Variants in MED20 observed in about 807,000 individuals in gnomAD.
The protein encoded by MED20 is mediator of RNA polymerase II transcription subunit 20.
MED20 carries 19 observed loss-of-function variants against 19.7 expected under a neutral mutation model. That is an observed-to-expected ratio of 0.96 (90% CI 0.67 to 1.42). The LOEUF is 1.42. Among genes scored for constraint, MED20 ranks in the 40% most tolerant of loss-of-function variants. MED20 has a pLI of 0.00. For synonymous variants in MED20, 105 were observed against 104.8 expected, an observed-to-expected ratio of 1.00 and a Z score of -0.01; for missense variants, 225 against 273.0, an observed-to-expected ratio of 0.82 and a Z score of 1.24.
intron 2 of MED20, among the ~76,000 whole-genome samples, chr6:41,911,063 C>T (rs1411229963): frequency 2.7e-5 from 4 of 149,520 alleles, no homozygotes; most frequent in Non-Finnish European, 5.9e-5. Context: ...GAGCCGAGAT[C>T]GTGCCACTGC....
chr6:41,907,313 A>T (rs1264871942), intron 3 of MED20, 26 bp from the exon 4 acceptor site: 1 of 1,586,116 alleles, frequency 6.3e-7, no homozygotes. Context: ...ACAGAGAATG[A>T]GGGTGAATGA....
intron 2 of MED20, among the ~76,000 whole-genome samples, chr6:41,912,053 C>CTT (rs530288020): frequency 3.1e-4 from 44 of 143,924 alleles, no homozygotes; most frequent in African/African-American, 1.1e-3. Context: ...TCCTTTTCTT[C>CTT]TTTTTTTTTT....
chr6:41,918,606 G>A (rs1210430772), intron 1 of MED20, among the ~76,000 whole-genome samples: 9 of 151,846 alleles, frequency 5.9e-5, no homozygotes, highest in Admixed American at 5.9e-4. Flanking sequence ...GAGGTCAGGA[G>A]ATCAAGACCA....
chr6:41,909,426 G>A lies in MED20; in HGVS notation c.266C>T (p.Thr89Ile), dbSNP rs760729632. ...FENGPCLIAD[T>I]NFDVLMVKLK... ...CTTCACCATAAGCACATCAAAGTTG[G>A]TGTCAGCAATAAGGCAAGGGCCATT... Residue 89 changes from threonine to isoleucine, a missense_variant, in exon 3 of 4, where the codon ACC (threonine) becomes ATC (isoleucine). Transcript: ENST00000265350. 6.2e-7 allele frequency: 1 copy of A among 1,614,214 alleles called. No homozygotes were observed. The highest frequency in any genetic ancestry group is 8.5e-7 in the Non-Finnish European group (1 of 1,180,038).
At position 41,920,998 on chromosome 6, in the gene MED20, G is replaced by A; in HGVS notation, c.14+7C>T. On this transcript the variant is annotated splice_region_variant and intron_variant, in intron 1 of 3. Transcript: ENST00000265350. Reference sequence around the variant, plus strand: ...GCCCCGCCCCACAAAACCCCCTGCAGTCCTACCAAGTCACTCCCATGGCGT... The same window carrying A: ...GCCCCGCCCCACAAAACCCCCTGCAATCCTACCAAGTCACTCCCATGGCGT... 6.2e-7 allele frequency: 1 copy of A among 1,612,606 alleles called. No homozygotes were observed. The highest frequency in any genetic ancestry group is 1.3e-5 in the African/African-American group (1 of 74,956).
chr6:41,920,988 AC>A lies in MED20; in HGVS notation c.14+16del. The stretch of plus-strand genomic sequence containing the variant: ...ACAACTCCAAGCCCCGCCCCACAAA[AC>A]CCCCTGCAGTCCTACCAAGTCACTC... On this transcript the variant is annotated intron_variant, in intron 1 of 3. Transcript: ENST00000265350. The A allele has an allele frequency of 1.2e-6, 2 of 1,607,568 alleles. No homozygotes were observed. The highest frequency in any genetic ancestry group is 1.7e-6 in the Non-Finnish European group (2 of 1,176,842).
At chr6:41,919,449 G>A (rs1183464715) in intron 1 of MED20, among the ~76,000 whole-genome samples, 1 of 152,188 alleles carries the variant, frequency 6.6e-6, no homozygotes, top group Non-Finnish European at 1.5e-5. Context: ...GAGTCCTTCT[G>A]TTGCTAAAAA....
intron 2 of MED20, among the ~76,000 whole-genome samples, chr6:41,916,518 T>C (rs1453060408): frequency 6.6e-6 from 1 of 151,184 alleles, no homozygotes; most frequent in Non-Finnish European, 1.5e-5. Flanking sequence ...AGGTGGAGGT[T>C]GCAGTGAGCT....
chr6:41,919,496 G>C (rs1775404438), intron 1 of MED20, among the ~76,000 whole-genome samples: 1 of 152,120 alleles, frequency 6.6e-6, no homozygotes, highest in South Asian at 2.1e-4. Context: ...ACTGATAAAC[G>C]ATGTTGCTAA....
chr6:41,917,636 G>A, intron 1 of MED20: 2 of 399,048 alleles, frequency 5.0e-6, no homozygotes, highest in South Asian at 3.6e-5. Flanking sequence ...TCCTATCACA[G>A]GGCGTTCTCA....
chr6:41,915,163 G>A (rs1561938427), intron 2 of MED20, among the ~76,000 whole-genome samples: 1 of 152,208 alleles, frequency 6.6e-6, no homozygotes, highest in Non-Finnish European at 1.5e-5. Flanking sequence ...GCCAGGCATG[G>A]TGGCTCATGC....
At chr6:41,912,994 C>G (rs1179058626) in intron 2 of MED20, 1 of 151,706 alleles carries the variant, frequency 6.6e-6, no homozygotes, top group Non-Finnish European at 1.5e-5. Context: ...CCTGTGGCCC[C>G]AGCTATTTAG....
chr6:41,916,114 G>A (rs1372310989), intron 2 of MED20, among the ~76,000 whole-genome samples: 2 of 151,896 alleles, frequency 1.3e-5, no homozygotes, highest in African/African-American at 4.8e-5. Flanking sequence ...CAGGCGTGGT[G>A]GCTCATGCCT....
chr6:41,909,033 A>C, intron 3 of MED20: 1 of 533,722 alleles, frequency 1.9e-6, no homozygotes, highest in Non-Finnish European at 3.2e-6. Context: ...AAAAAAAAAA[A>C]AATTTAATTC....
In MED20 at chr6:41,909,306, A is replaced by G. The variant is rs1775131059; in HGVS notation, c.386T>C (p.Val129Ala). ...GCCCCGGGCACTGGGCCCCATTGTG[A>G]CCGTGCCCACCTTCACCAGGAAGTC... ...YCDFLVKVGT[V>A]TMGPSARGIS... The change falls in exon 3 of 4, where the codon GTC (valine) becomes GCC (alanine). Residue 129 changes from valine (V) to alanine (A), a missense_variant. Val to Ala is a moderately conservative substitution (Grantham distance 64, BLOSUM62 0). Transcript: ENST00000265350. The G allele has an allele frequency of 3.1e-6, 5 of 1,614,094 alleles. No homozygotes were observed. The highest frequency in any genetic ancestry group is 4.2e-6 in the Non-Finnish European group (5 of 1,180,022).
At chr6:41,912,549 G>T (rs1033171634) in intron 2 of MED20, among the ~76,000 whole-genome samples, 1 of 151,738 alleles carries the variant, frequency 6.6e-6, no homozygotes, top group Non-Finnish European at 1.5e-5. Flanking sequence ...TAGAGACAGG[G>T]TTTCCCCATG....
intron 1 of MED20, 122 bp from the exon 2 acceptor site, chr6:41,917,061 C>T: frequency 9.6e-7 from 1 of 1,042,846 alleles, no homozygotes; most frequent in Non-Finnish European, 1.4e-6. Context: ...ATTACCTACT[C>T]TGACCGTCTC....
chr6:41,915,789 A>AACACACACACACAC (rs34924867), intron 2 of MED20, among the ~76,000 whole-genome samples: 31 of 148,590 alleles, frequency 2.1e-4, no homozygotes, highest in Non-Finnish European at 2.8e-4. Context: ...TCCGTCTCAA[A>AACACACACACACAC]ACACACACAC....
chr6:41,915,333 A>G (rs1775286878), intron 2 of MED20, among the ~76,000 whole-genome samples: 1 of 151,212 alleles, frequency 6.6e-6, no homozygotes, highest in South Asian at 2.1e-4. Flanking sequence ...ACCACACCCA[A>G]AAGTAAAAAA....
Sources: gnomAD v4.1 joint callset for allele counts (sites outside exome capture counted in the v4.1 genomes callset) on GRCh38, gnomAD v4.1.1 for gene constraint, MANE v1.5 for transcripts, NCBI Gene and HGNC (gene_info 2026-07-23, HGNC 2026-07-21) for gene names.